Variants in RETSAT observed in about 807,000 individuals in gnomAD.
The protein encoded by RETSAT is all-trans-retinol 13,14-reductase.
In RETSAT, 35 loss-of-function variants were observed where a neutral mutation model predicts 61.6. That is an observed-to-expected ratio of 0.57 (90% CI 0.43 to 0.75). The LOEUF (loss-of-function observed/expected upper bound fraction) is 0.75, where lower values mean the gene tolerates loss of function less well. Ranked by LOEUF, RETSAT falls within the 30% of genes least tolerant of loss-of-function variation. The pLI, the probability that RETSAT is intolerant of heterozygous loss-of-function variation, is 0.00. For synonymous variants in RETSAT, 277 were observed against 310.4 expected (o/e 0.89, Z 1.13); for missense variants, 670 against 759.5 (o/e 0.88, Z 1.38).
At position 85,344,057 on chromosome 2, in the gene RETSAT, G is replaced by A. The variant is rs149307146; in HGVS notation, c.1475C>T (p.Ser492Phe). The A allele has an allele frequency of 3.8e-4, 610 of 1,613,180 alleles. No homozygotes were observed. The highest frequency in any genetic ancestry group is 4.6e-4 in the Non-Finnish European group (538 of 1,179,338). The stretch of plus-strand genomic sequence containing the variant: ...CACTGACATAGAGGCTTCCACAAAG[G>A]AGTTTTTGAAGGTCTCATAGTCACT... The part of the protein sequence containing the change: ...RGSDYETFKN[S>F]FVEASMSVVL... The change falls in exon 9 of 11, where the codon TCC (serine) becomes TTC (phenylalanine). Residue 492 changes from serine (S) to phenylalanine (F), a missense_variant. By Grantham distance (155) the Ser-to-Phe change is radical (BLOSUM62 -2). Transcript: ENST00000295802.
chr2:85,343,550 G>A (rs1370266656), intron 10 of RETSAT, 89 bp downstream of exon 10: 9 of 1,559,944 alleles, frequency 5.8e-6, no homozygotes, highest in Middle Eastern at 1.7e-4. Flanking sequence ...GGCTGCAGGG[G>A]ACAGCAGGGC....
At chr2:85,351,118 G>A (rs1683291624) in intron 2 of RETSAT, 97 bp from the exon 3 acceptor site, 1 of 1,477,780 alleles carries the variant, frequency 6.8e-7, no homozygotes, top group Non-Finnish European at 9.3e-7. Context: ...TATCTGGCCT[G>A]GCCAAGTTCA....
intron 5 of RETSAT, among the ~76,000 whole-genome samples, chr2:85,348,694 A>G (rs1289036205): frequency 6.6e-6 from 1 of 151,542 alleles, no homozygotes; most frequent in Non-Finnish European, 1.5e-5. Context: ...TTATCTATTA[A>G]ATAAATAAAT....
In RETSAT at chr2:85,343,994, C is replaced by T. The variant is rs531672412; in HGVS notation, c.1533+5G>A. 8 of 1,613,796 alleles carry T rather than the reference C, an allele frequency of 5.0e-6. No homozygotes were observed. The Admixed American group carries it at 1.3e-4, about 27-fold the overall frequency. The stretch of plus-strand genomic sequence containing the variant: ...CGTCACCACCCCAAATACTTTACCC[C>T]CTACCTTCCCCTCCAGCTGTGGGAA... On this transcript the variant is annotated splice_donor_5th_base_variant and intron_variant, in intron 9 of 10. Transcript: ENST00000295802.
Position 85,344,139 on chromosome 2 carries a change from G to C in RETSAT, c.1393C>G (p.Pro465Ala). ...TCCTCAAACCACTCGTAGGCAGTGG[G>C]TATGAGCATGATCATGGTGGACCGG... ...PGRSTMIMLI[P>A]TAYEWFEEWQ... The change falls in exon 9 of 11, where the codon CCC (proline) becomes GCC (alanine). Residue 465 changes from proline to alanine, a missense_variant. Physicochemically the swap from Pro to Ala is conservative, Grantham distance 27. Coordinates refer to ENST00000295802, the MANE Select transcript of RETSAT (RefSeq NM_017750.4). 1 of 1,614,102 alleles carries C rather than the reference G, an allele frequency of 6.2e-7. No homozygotes were observed. The highest frequency in any genetic ancestry group is 1.1e-5 in the South Asian group (1 of 91,084).
Position 85,344,214 on chromosome 2 carries a change from C to G in RETSAT, c.1366+25G>C, listed in dbSNP as rs73945705. The G allele has an allele frequency of 4.2e-3, 6,773 of 1,614,120 alleles. 225 individuals carry two copies. The African/African-American group carries it at 0.078, about 19-fold the overall frequency. On this transcript the variant is annotated intron_variant, in intron 8 of 10. Transcript: ENST00000295802. Reference sequence around the variant, plus strand: ...TACTGCCCGGCCTCTCCCTCCACCCCCTCACCCGGGACGTGCAGCCCCACC... The same window carrying G: ...TACTGCCCGGCCTCTCCCTCCACCCGCTCACCCGGGACGTGCAGCCCCACC...
intron 2 of RETSAT, 174 bp downstream of exon 2, chr2:85,351,506 T>C (rs943549304): frequency 1.5e-6 from 1 of 645,410 alleles, no homozygotes; most frequent in Non-Finnish European, 2.6e-6. Flanking sequence ...ACCACTGCGC[T>C]CCAGCCTGGG....
rs1463223881 is a variant in RETSAT at position 85,343,794 on chromosome 2, T to G, written c.1538A>C (p.Glu513Ala). ...GAGTGGGGATCCTGCAGTCACACTCTCCACCTGAGGGCAGAAAGGGTGGGG... is the reference window on the plus strand; with the variant it reads ...GAGTGGGGATCCTGCAGTCACACTCGCCACCTGAGGGCAGAAAGGGTGGGG... Reference protein sequence around the residue: ...KLFPQLEGKVESVTAGSPLTN... With the variant: ...KLFPQLEGKVASVTAGSPLTN... The change falls in exon 10 of 11, where the codon GAG becomes GCG. Residue 513 changes from glutamate to alanine, a missense_variant. Physicochemically the swap from Glu to Ala is moderately radical, Grantham distance 107 (BLOSUM62 -1). Coordinates refer to ENST00000295802, the MANE Select transcript of RETSAT (RefSeq NM_017750.4). The G allele has an allele frequency of 6.2e-7, 1 of 1,613,684 alleles. No individual in the cohort carries two copies. The highest frequency in any genetic ancestry group is 8.5e-7 in the Non-Finnish European group (1 of 1,179,746).
At chr2:85,354,006 C>A (rs138463600) in intron 1 of RETSAT, among the ~76,000 whole-genome samples, 1 of 152,316 alleles carries the variant, frequency 6.6e-6, no homozygotes, top group Non-Finnish European at 1.5e-5. Flanking sequence ...AGTTAAGGTC[C>A]TGGAACCAAG....
chr2:85,353,969 G>A (rs539499067), intron 1 of RETSAT, among the ~76,000 whole-genome samples: 1 of 152,298 alleles, frequency 6.6e-6, no homozygotes, highest in South Asian at 2.1e-4. Context: ...CCACACCCCT[G>A]AGCTCGCATG....
At position 85,346,112 on chromosome 2, in the gene RETSAT, TG is replaced by T; in HGVS notation, c.998-19del. 1 of 1,604,494 alleles carries T rather than the reference TG, an allele frequency of 6.2e-7. No homozygotes were observed. The highest frequency in any genetic ancestry group is 8.5e-7 in the Non-Finnish European group (1 of 1,173,332). On this transcript the variant is annotated intron_variant, in intron 5 of 10. Coordinates refer to ENST00000295802, the MANE Select transcript of RETSAT (RefSeq NM_017750.4). ...ACTGACACCTGCAGGCACAAGAGCT[TG>T]GCTGAGGGTCTGTGAGCTCTGGGAT... is the stretch of plus-strand genomic sequence containing the variant.
Position 85,349,486 on chromosome 2 carries a change from T to A in RETSAT, c.895A>T (p.Ile299Phe), listed in dbSNP as rs1326960781. Residue 299 changes from isoleucine to phenylalanine, a missense_variant, in exon 5 of 11, where the codon ATT becomes TTT. Transcript: ENST00000295802. ...ATCACAGGGATGGTGTGGAAGGCAA[T>A]TTCACTGGAACCCCCTCGGGGATAA... is the stretch of plus-strand genomic sequence containing the variant. The part of the protein sequence containing the change: ...GFYPRGGSSE[I>F]AFHTIPVIQR... 1 of 1,614,078 alleles carries A rather than the reference T, an allele frequency of 6.2e-7. No individual in the cohort carries two copies. The highest frequency in any genetic ancestry group is 2.2e-5 in the East Asian group (1 of 44,870).
rs566100446 is a variant in RETSAT, at chr2:85,342,541, C to G, written c.*701G>C. ...TGGCACATTGAGAACCAGCTGCCAC[C>G]CCGATGATAAGGAAGACAGACCCGG... On this transcript the variant is annotated 3_prime_UTR_variant, in exon 11 of 11. Coordinates refer to ENST00000295802, the MANE Select transcript of RETSAT (RefSeq NM_017750.4). 6.6e-6 allele frequency: 1 copy of G among 152,408 alleles called. No homozygotes were observed. Among genetic ancestry groups the G allele is most frequent in the Non-Finnish European group, 1.5e-5 (1 of 68,268 alleles). 9.4% of individuals were successfully genotyped at this position (152,408 alleles called of 1,614,324 possible).
At chr2:85,349,709 C>CA in intron 4 of RETSAT, 128 bp from the exon 5 acceptor site, 1 of 829,680 alleles carries the variant, frequency 1.2e-6, no homozygotes, top group Admixed American at 2.2e-5. Context: ...CCTCAGGGTC[C>CA]AAGGCAGCCA....
At position 85,346,095 on chromosome 2, in the gene RETSAT, C is replaced by T. The variant is rs1180802505; in HGVS notation, c.998-1G>A. ...TCATGCCCCTTCTTCACACTGACACCTGCAGGCACAAGAGCTTGGCTGAGG... is the reference window on the plus strand; with the variant it reads ...TCATGCCCCTTCTTCACACTGACACTTGCAGGCACAAGAGCTTGGCTGAGG... On this transcript the variant is annotated splice_acceptor_variant, in intron 5 of 10. Coordinates refer to ENST00000295802, the MANE Select transcript of RETSAT (RefSeq NM_017750.4). LOFTEE classifies it high-confidence loss of function. 1 of 1,609,824 alleles carries T rather than the reference C, an allele frequency of 6.2e-7. No individual in the cohort carries two copies.
chr2:85,352,956 G>T (rs1367051699), intron 1 of RETSAT, among the ~76,000 whole-genome samples: 1 of 152,152 alleles, frequency 6.6e-6, no homozygotes, highest in Non-Finnish European at 1.5e-5. Context: ...ACAATCACTG[G>T]CAAAGAACTG....
chr2:85,352,801 CT>C (rs1683323631), intron 1 of RETSAT, among the ~76,000 whole-genome samples: 1 of 152,164 alleles, frequency 6.6e-6, no homozygotes, highest in African/African-American at 2.4e-5. Flanking sequence ...TGCTCAGAGG[CT>C]GCAGCTCTGA....
intron 3 of RETSAT, among the ~76,000 whole-genome samples, 184 bp from the exon 4 acceptor site, chr2:85,350,425 T>C (rs1295347074): frequency 6.6e-6 from 1 of 152,098 alleles, no homozygotes; most frequent in Non-Finnish European, 1.5e-5. Flanking sequence ...CTCGGATGAG[T>C]CCTTTTTTTG....
At chr2:85,344,197 G>C (rs144484565) in intron 8 of RETSAT, 32 bp from the exon 9 acceptor site, 2 of 1,613,884 alleles carry the variant, frequency 1.2e-6, no homozygotes, top group Non-Finnish European at 1.7e-6. Flanking sequence ...ACTACTGCCC[G>C]GCCTCTCCCT....
Sources: gnomAD v4.1 joint callset for allele counts (sites outside exome capture counted in the v4.1 genomes callset) on GRCh38, gnomAD v4.1.1 for gene constraint, MANE v1.5 for transcripts, NCBI Gene and HGNC (gene_info 2026-07-23, HGNC 2026-07-21) for gene names.